FGD1: variants seen among roughly 807,000 people sequenced by gnomAD.
The protein encoded by FGD1 is FYVE, RhoGEF and PH domain-containing protein 1.
Under a neutral mutation model 65.0 loss-of-function variants are expected in FGD1, and 12 were observed. That is an observed-to-expected ratio of 0.18 (90% CI 0.12 to 0.30). The LOEUF (loss-of-function observed/expected upper bound fraction) is 0.30, where lower values mean the gene tolerates loss of function less well. Among genes scored for constraint, FGD1 ranks in the 10% least tolerant of loss-of-function variants. The probability of loss-of-function intolerance (pLI) is 1.00; values close to 1 mark genes in which losing one functional copy is unlikely to be tolerated. For synonymous variants in FGD1, 333 were observed against 343.9 expected (o/e 0.97, Z 0.35); for missense variants, 542 against 837.6 (o/e 0.65, Z 4.36).
At chrX:54,451,659 T>C (rs1922380863) in intron 12 of FGD1, among the ~76,000 whole-genome samples, 1 of 106,858 alleles carries the variant, frequency 9.4e-6, no homozygotes, top group Non-Finnish European at 1.9e-5. Context: ...TCCCAGCACT[T>C]TGGGAGGCCG....
intron 8 of FGD1, among the ~76,000 whole-genome samples, chrX:54,463,449 C>T (rs1425806612): frequency 6.3e-5 from 7 of 111,893 alleles, no homozygotes; most frequent in Non-Finnish European, 9.4e-5. Flanking sequence ...TCTACTGCTA[C>T]TGTCCTCATC....
chrX:54,448,761 C>A, intron 16 of FGD1, 45 bp downstream of exon 16: 2 of 1,190,490 alleles, frequency 1.7e-6, no homozygotes, highest in Non-Finnish European at 2.3e-6. Flanking sequence ...AGAGTTGGAA[C>A]CCATTTGCCC....
At chrX:54,477,702 T>G (rs1923050759) in intron 1 of FGD1, among the ~76,000 whole-genome samples, 1 of 111,179 alleles carries the variant, frequency 9.0e-6, no homozygotes, top group South Asian at 3.8e-4. Flanking sequence ...GTGCTGTGAT[T>G]ACAGGCGTAA....
chrX:54,456,639 T>C (rs1348926755), intron 8 of FGD1, 72 bp from the exon 9 acceptor site: 6 of 426,659 alleles, frequency 1.4e-5, no homozygotes, highest in Non-Finnish European at 1.2e-5. Flanking sequence ...TTGTTTTTTG[T>C]TTTTTTTTTT....
At chrX:54,476,691 TCACACC>T (rs1257716853) in intron 1 of FGD1, among the ~76,000 whole-genome samples, 1 of 109,305 alleles carries the variant, frequency 9.1e-6, no homozygotes, top group Non-Finnish European at 1.9e-5. Flanking sequence ...CACAACATTA[TCACACC>T]CACACCCACA....
intron 4 of FGD1, among the ~76,000 whole-genome samples, chrX:54,469,316 A>T (rs1427636340): frequency 8.9e-6 from 1 of 112,418 alleles, no homozygotes; most frequent in Non-Finnish European, 1.9e-5. Context: ...AAACAAAAAC[A>T]AAACCAAAAC....
chrX:54,487,021 A>G (rs1396279157), intron 1 of FGD1, among the ~76,000 whole-genome samples: 1 of 101,935 alleles, frequency 9.8e-6, no homozygotes, highest in African/African-American at 3.5e-5. Context: ...AACAACAACA[A>G]CAAAACCACA....
Position 54,491,830 on chromosome X carries a change from C to T in FGD1, c.307+3296G>A, listed in dbSNP as rs1021986532. Among the ~76,000 whole-genome samples the T allele has an allele frequency of 2.7e-5, 3 of 110,731 alleles. No homozygotes were observed. The East Asian group carries it at 8.6e-4, about 32-fold the overall frequency. On this transcript the variant is annotated intron_variant, in intron 1 of 17. Transcript: ENST00000375135. Reference sequence around the variant, plus strand: ...AGGCAGTATCTAGAGTCTTTTCTAGCTCCAATTCTTACTCTTGGAGACTCT... The same window carrying T: ...AGGCAGTATCTAGAGTCTTTTCTAGTTCCAATTCTTACTCTTGGAGACTCT...
chrX:54,494,504 CT>C (rs1923485240), intron 1 of FGD1, among the ~76,000 whole-genome samples: 1 of 102,400 alleles, frequency 9.8e-6, no homozygotes, highest in East Asian at 3.3e-4. Context: ...CTTTCATGGT[CT>C]CCAGCCTCAG....
At chrX:54,492,210 A>C (rs1018335512) in intron 1 of FGD1, among the ~76,000 whole-genome samples, 3 of 111,790 alleles carry the variant, frequency 2.7e-5, no homozygotes, top group Non-Finnish European at 5.6e-5. Flanking sequence ...CCCCACCAGG[A>C]AGCAGACAGG....
At chrX:54,486,253 A>AT (rs35938329) in intron 1 of FGD1, among the ~76,000 whole-genome samples, 46 of 94,724 alleles carry the variant, frequency 4.9e-4, no homozygotes, top group Non-Finnish European at 7.7e-4. Context: ...TACCTGGATG[A>AT]TTTTTTTTTT....
rs751892176 is a variant in FGD1, at chrX:54,456,536, C to T, written c.1668G>A (p.Glu556=). 139 of 1,209,264 alleles carry T rather than the reference C, an allele frequency of 1.1e-4. No homozygotes were observed. Among genetic ancestry groups the T allele is most frequent in the Non-Finnish European group, 1.5e-4 (135 of 894,809 alleles). ...KSLELIATAA[E]HSNAAIRKME... is the part of the protein sequence containing the mutation. ...TTTTGCGGATGGCAGCATTCGAGTG[C>T]TCTGCTGCTGTGGCGATCAGCTCCA... is the stretch of plus-strand genomic sequence containing the variant. Residue 556 remains glutamate (E), a synonymous_variant, in exon 9 of 18, where the codon GAG becomes GAA. Transcript: ENST00000375135.
chrX:54,473,988 A>AAT (rs1557190006), intron 1 of FGD1, among the ~76,000 whole-genome samples: 5 of 107,252 alleles, frequency 4.7e-5, no homozygotes, highest in African/African-American at 1.0e-4. Flanking sequence ...TCAAAAAAAA[A>AAT]ATATATATAT....
At chrX:54,482,023 T>A (rs776564680) in intron 1 of FGD1, among the ~76,000 whole-genome samples, 14 of 109,989 alleles carry the variant, frequency 1.3e-4, no homozygotes, top group Admixed American at 1.1e-3. Context: ...AGGAGACCCA[T>A]GCGCAGAAAC....
At chrX:54,469,817 T>A (rs1922841413) in intron 4 of FGD1, among the ~76,000 whole-genome samples, 199 bp downstream of exon 4, 1 of 111,951 alleles carries the variant, frequency 8.9e-6, no homozygotes. Flanking sequence ...TGGATGTAAG[T>A]AAGAGACTTT....
intron 6 of FGD1, among the ~76,000 whole-genome samples, chrX:54,467,164 A>G (rs186273145): frequency 2.4e-4 from 27 of 110,857 alleles, no homozygotes; most frequent in African/African-American, 8.8e-4. Flanking sequence ...AAACTGAGGC[A>G]TAGCAACTTA....
intron 1 of FGD1, among the ~76,000 whole-genome samples, chrX:54,484,221 AT>A (rs1923220563): frequency 9.0e-6 from 1 of 111,187 alleles, no homozygotes. Flanking sequence ...CTGGACTCCT[AT>A]TTATCCTTCA....
At chrX:54,482,810 G>C (rs1434484316) in intron 1 of FGD1, among the ~76,000 whole-genome samples, 1 of 111,287 alleles carries the variant, frequency 9.0e-6, no homozygotes, top group African/African-American at 3.3e-5. Flanking sequence ...AGTCAGAAGG[G>C]AGACAGAGAC....
At chrX:54,452,178 G>A (rs1186537017) in intron 12 of FGD1, among the ~76,000 whole-genome samples, 8 of 101,683 alleles carry the variant, frequency 7.9e-5, no homozygotes, top group Non-Finnish European at 1.2e-4. Flanking sequence ...GAGGCAGGAG[G>A]ATCACTTGAA....
Sources: gnomAD v4.1 joint callset for allele counts (sites outside exome capture counted in the v4.1 genomes callset) on GRCh38, gnomAD v4.1.1 for gene constraint, MANE v1.5 for transcripts, NCBI Gene and HGNC (gene_info 2026-07-23, HGNC 2026-07-21) for gene names.